The following KLHL4 variants were observed in gnomAD, a reference collection of about 807,000 sequenced individuals.
KLHL4 encodes kelch-like protein 4.
A neutral mutation model predicts 45.8 loss-of-function variants in KLHL4; 17 were observed. That is an observed-to-expected ratio of 0.37 (90% CI 0.25 to 0.56). KLHL4 has a LOEUF of 0.56. KLHL4 is among the 20% of genes least tolerant of loss of function. KLHL4 has a pLI of 0.79. For missense variants in KLHL4, 544 were observed against 544.9 expected (o/e 1.00, Z 0.02); for synonymous variants, 224 against 189.9 (o/e 1.18, Z -1.47).
intron 9 of KLHL4, among the ~76,000 whole-genome samples, chrX:87,646,941 A>G (rs1047142924): frequency 2.7e-5 from 3 of 111,547 alleles, no homozygotes; most frequent in African/African-American, 6.5e-5. Context: ...AGAAATAATC[A>G]GCAGAGTAAA....
At chrX:87,631,044 T>C (rs1923079797) in intron 6 of KLHL4, among the ~76,000 whole-genome samples, 1 of 110,847 alleles carries the variant, frequency 9.0e-6, no homozygotes, top group African/African-American at 3.3e-5. Context: ...GGTGAGGAGG[T>C]GGTGCCTGTT....
At chrX:87,523,112 T>C (rs1223278700) in intron 1 of KLHL4, among the ~76,000 whole-genome samples, 1 of 111,612 alleles carries the variant, frequency 9.0e-6, no homozygotes, top group Non-Finnish European at 1.9e-5. Context: ...TTATATAACA[T>C]GTGATGTCAA....
intron 1 of KLHL4, among the ~76,000 whole-genome samples, chrX:87,533,735 T>G (rs2147768612): frequency 9.0e-6 from 1 of 111,118 alleles, no homozygotes; most frequent in Non-Finnish European, 1.9e-5. Context: ...ATTCATCTCC[T>G]TAAAACAAAC....
chrX:87,583,465 T>C, intron 1 of KLHL4, among the ~76,000 whole-genome samples: 1 of 112,046 alleles, frequency 8.9e-6, no homozygotes, highest in Non-Finnish European at 1.9e-5. Context: ...GAGGACTTTG[T>C]CTTGCATCTT....
At chrX:87,665,857 C>G (rs1381911142) in intron 10 of KLHL4, among the ~76,000 whole-genome samples, 1 of 111,266 alleles carries the variant, frequency 9.0e-6, no homozygotes, top group African/African-American at 3.3e-5. Flanking sequence ...CTCCAATAAT[C>G]TGATTCATTA....
At chrX:87,618,519 G>A (rs1400227261) in intron 4 of KLHL4, among the ~76,000 whole-genome samples, 2 of 111,506 alleles carry the variant, frequency 1.8e-5, no homozygotes, top group Admixed American at 1.9e-4. Flanking sequence ...AATATTAATG[G>A]GTCAATAATT....
intron 1 of KLHL4, among the ~76,000 whole-genome samples, chrX:87,543,551 G>A (rs1330697381): frequency 9.0e-6 from 1 of 111,024 alleles, no homozygotes; most frequent in African/African-American, 3.3e-5. Context: ...CTGGGTGCTG[G>A]GGGAGGGAGA....
Position 87,664,924 on chromosome X carries a change from G to A in KLHL4, c.2086G>A (p.Glu696Lys), listed in dbSNP as rs769709554. 1.8e-6 allele frequency: 2 copies of A among 1,134,937 alleles called. No homozygotes were observed. Among genetic ancestry groups the A allele is most frequent in the Non-Finnish European group, 2.4e-6 (2 of 836,929 alleles). 93.5% of individuals were successfully genotyped at this position (1,134,937 alleles called of 1,213,427 possible). A position where few individuals can be genotyped will look rare whatever the true frequency, so the allele number is the denominator to read the frequency against. The change falls in exon 10 of 11, where the codon GAA becomes AAA. Residue 696 changes from glutamate to lysine, a missense_variant. Coordinates refer to ENST00000373119, the MANE Select transcript of KLHL4 (RefSeq NM_019117.5). ...TVESYDAQRN[E>K]WKEEVPVNIG... ...TGAGTCATATGATGCACAGAGAAAT[G>A]AATGGAAAGAGGTATTCGAATTAAA... is the stretch of plus-strand genomic sequence containing the variant.
rs1040051275 is a variant in KLHL4, at chrX:87,527,257, T to A, written c.422+8942T>A. Among the ~76,000 whole-genome samples the A allele has an allele frequency of 2.7e-5, 3 of 111,877 alleles. No individual in the cohort carries two copies. In the Admixed American group the frequency reaches 2.8e-4, roughly 11 times the overall value. On this transcript the variant is annotated intron_variant, in intron 1 of 10. Transcript: ENST00000373119. ...TTTGAGAACATTCTTAAAAATATAG[T>A]TCTGCAACCCTGTATCGTAAGCTGT...
intron 9 of KLHL4, among the ~76,000 whole-genome samples, chrX:87,662,929 C>CAA (rs56333226): frequency 1.7e-4 from 10 of 59,284 alleles, no homozygotes; most frequent in African/African-American, 5.6e-4. Flanking sequence ...GACTCCGTCT[C>CAA]AAAAAAAAAA....
At chrX:87,634,804 A>G (rs1923207764) in intron 8 of KLHL4, among the ~76,000 whole-genome samples, 1 of 111,750 alleles carries the variant, frequency 8.9e-6, no homozygotes, top group Non-Finnish European at 1.9e-5. Context: ...TGATTCAGTT[A>G]TGTAATCTCC....
At chrX:87,639,325 A>T (rs761600529) in intron 9 of KLHL4, among the ~76,000 whole-genome samples, 212 of 111,470 alleles carry the variant, frequency 1.9e-3, no homozygotes, top group African/African-American at 6.8e-3. Context: ...ATGAACTTAA[A>T]CTATACCCCA....
intron 9 of KLHL4, among the ~76,000 whole-genome samples, chrX:87,655,910 G>A (rs193194655): frequency 9.6e-4 from 107 of 111,430 alleles, no homozygotes; most frequent in African/African-American, 3.5e-3. Context: ...GTGTTTGCTT[G>A]CCTGCAAAAT....
intron 1 of KLHL4, among the ~76,000 whole-genome samples, chrX:87,599,880 A>C (rs1392865639): frequency 8.9e-6 from 1 of 112,541 alleles, no homozygotes; most frequent in African/African-American, 3.2e-5. Flanking sequence ...CTAAGTGTTC[A>C]AATAAACCAT....
chrX:87,544,096 T>A (rs1411747572), intron 1 of KLHL4, among the ~76,000 whole-genome samples: 1 of 110,917 alleles, frequency 9.0e-6, no homozygotes, highest in Non-Finnish European at 1.9e-5. Context: ...CCCACTGCCC[T>A]GAAGGTTGAG....
At chrX:87,619,075 C>T (rs1378476161) in intron 4 of KLHL4, among the ~76,000 whole-genome samples, 2 of 110,984 alleles carry the variant, frequency 1.8e-5, no homozygotes, top group Non-Finnish European at 3.8e-5. Context: ...TTTTTAACCT[C>T]TGAAGAAGGG....
Position 87,618,050 on chromosome X carries a change from A to C in KLHL4, c.846A>C (p.Ser282=). ...SNFLIKQLHP[S]NCLGIRSFGD... is the part of the protein sequence containing the mutation. ...TTCTCATAAAGCAGCTCCATCCTTC[A>C]AACTGCTTAGGGATTCGATCATTTG... Residue 282 remains serine, a synonymous_variant, in exon 4 of 11, where the codon TCA becomes TCC. Transcript: ENST00000373119. The C allele has an allele frequency of 8.3e-7, 1 of 1,211,146 alleles. No individual in the cohort carries two copies. The highest frequency in any genetic ancestry group is 1.1e-6 in the Non-Finnish European group (1 of 894,984).
At chrX:87,639,421 C>G (rs988646251) in intron 9 of KLHL4, among the ~76,000 whole-genome samples, 2 of 111,374 alleles carry the variant, frequency 1.8e-5, no homozygotes, top group African/African-American at 6.5e-5. Flanking sequence ...GGAACATTCT[C>G]CAAGATAGAC....
At chrX:87,588,846 G>GGAGGAA (rs757672286) in intron 1 of KLHL4, among the ~76,000 whole-genome samples, 2 of 110,015 alleles carry the variant, frequency 1.8e-5, no homozygotes, top group Non-Finnish European at 3.8e-5. Flanking sequence ...AGGAGGAAGA[G>GGAGGAA]GAGGAAGAGG....
Sources: gnomAD v4.1 joint callset for allele counts (sites outside exome capture counted in the v4.1 genomes callset) on GRCh38, gnomAD v4.1.1 for gene constraint, MANE v1.5 for transcripts, NCBI Gene and HGNC (gene_info 2026-07-23, HGNC 2026-07-21) for gene names.